Variants in LINC00305 observed in about 807,000 individuals in gnomAD.
LINC00305 encodes long independently transcribed non-coding RNA 305.
intron 1 of LINC00305, among the ~76,000 whole-genome samples, chr18:64,137,364 G>T (rs75260314): frequency 6.6e-6 from 1 of 152,160 alleles, no homozygotes; most frequent in Non-Finnish European, 1.5e-5. Flanking sequence ...ATTTTAAGCC[G>T]CCCAGTTTGT....
At position 64,102,300 on chromosome 18, in the gene LINC00305, G is replaced by A. The variant is rs140434344; in HGVS notation, n.315-3660C>T. ...CTAAGACATATAAACTGATACTCAA[G>A]GCCTAAAAAACAATAATAGAACTTA... On this transcript the variant is annotated intron_variant and non_coding_transcript_variant, in intron 1 of 3. Transcript: ENST00000666468. Among the ~76,000 whole-genome samples the A allele has an allele frequency of 3.5e-3, 530 of 151,980 alleles. 2 individuals carry two copies. Among genetic ancestry groups the A allele is most frequent in the African/African-American group, 0.012 (491 of 41,448 alleles).
At chr18:64,114,880 C>T (rs1311384584) in intron 1 of LINC00305, among the ~76,000 whole-genome samples, 9 of 152,084 alleles carry the variant, frequency 5.9e-5, no homozygotes, top group South Asian at 2.1e-4. Flanking sequence ...TGAGCTTGTG[C>T]GTAAAGATAG....
At chr18:64,082,763 C>A (rs1250876025) in intron 3 of LINC00305, among the ~76,000 whole-genome samples, 1 of 152,080 alleles carries the variant, frequency 6.6e-6, no homozygotes, top group Non-Finnish European at 1.5e-5. Flanking sequence ...AGTTTTAGAA[C>A]TTTCTGTTCT....
chr18:64,083,929 T>G (rs2051193930), intron 3 of LINC00305, among the ~76,000 whole-genome samples: 1 of 152,210 alleles, frequency 6.6e-6, no homozygotes, highest in African/African-American at 2.4e-5. Context: ...TGCACTTTGT[T>G]CCCCAGGGAG....
chr18:64,140,416 C>T (rs1178680127), intron 1 of LINC00305, among the ~76,000 whole-genome samples: 1 of 152,120 alleles, frequency 6.6e-6, no homozygotes, highest in African/African-American at 2.4e-5. Flanking sequence ...ACCATGTTGG[C>T]CAGGCTGGTC....
rs1296930514 is a variant in LINC00305 at position 64,141,005 on chromosome 18, C to T, written n.314+7770G>A. Reference sequence around the variant, plus strand: ...CCAGCAAGGCGATGGGAACCTCAGACCTAGCGCCGCAAGGAACCAAATTCT... The same window carrying T: ...CCAGCAAGGCGATGGGAACCTCAGATCTAGCGCCGCAAGGAACCAAATTCT... On this transcript the variant is annotated intron_variant and non_coding_transcript_variant, in intron 1 of 3. Transcript: ENST00000666468. 2.1e-5 allele frequency among the ~76,000 whole-genome samples: 3 copies of T among 145,038 alleles called. No individual in the cohort carries two copies. The Admixed American group carries it at 2.1e-4, about 10-fold the overall frequency.
At chr18:64,136,865 G>A (rs1162534638) in intron 1 of LINC00305, among the ~76,000 whole-genome samples, 1 of 151,386 alleles carries the variant, frequency 6.6e-6, no homozygotes, top group Non-Finnish European at 1.5e-5. Context: ...AGGGCACGCT[G>A]GACTGAAGGA....
intron 1 of LINC00305, chr18:64,104,374 G>A (rs2051280701): frequency 6.6e-6 from 1 of 152,214 alleles, no homozygotes; most frequent in Non-Finnish European, 1.5e-5. Context: ...TACAGAGGAA[G>A]GCAGACTTCA....
intron 1 of LINC00305, among the ~76,000 whole-genome samples, chr18:64,120,636 A>G (rs144608397): frequency 2.0e-5 from 3 of 152,230 alleles, no homozygotes; most frequent in Admixed American, 6.5e-5. Context: ...GTTATGTTCA[A>G]TGTAGGAAAG....
intron 3 of LINC00305, among the ~76,000 whole-genome samples, chr18:64,086,656 C>T (rs1025657965): frequency 6.6e-6 from 1 of 152,182 alleles, no homozygotes; most frequent in Non-Finnish European, 1.5e-5. Context: ...TAAATATTAT[C>T]ATTGCATGTC....
intron 1 of LINC00305, among the ~76,000 whole-genome samples, chr18:64,121,429 G>A (rs2051361680): frequency 1.3e-5 from 2 of 151,990 alleles, no homozygotes; most frequent in South Asian, 4.1e-4. Context: ...CCACTTATAA[G>A]TAAGAATATA....
chr18:64,132,906 A>T (rs906660435), intron 1 of LINC00305, among the ~76,000 whole-genome samples: 20 of 152,188 alleles, frequency 1.3e-4, no homozygotes, highest in Non-Finnish European at 2.6e-4. Flanking sequence ...CACAACCAGA[A>T]TAAAGTCAGG....
At chr18:64,140,499 G>T (rs1275820256) in intron 1 of LINC00305, among the ~76,000 whole-genome samples, 1 of 152,042 alleles carries the variant, frequency 6.6e-6, no homozygotes, top group Non-Finnish European at 1.5e-5. Context: ...GTGAGCCACC[G>T]CACCCAGCCT....
chr18:64,143,827 A>C (rs373071541), intron 1 of LINC00305, among the ~76,000 whole-genome samples: 3 of 151,112 alleles, frequency 2.0e-5, no homozygotes, highest in South Asian at 4.2e-4. Context: ...ATACACAGAG[A>C]TAATTCTTAT....
At chr18:64,136,712 A>C (rs1040270934) in intron 1 of LINC00305, among the ~76,000 whole-genome samples, 6 of 152,222 alleles carry the variant, frequency 3.9e-5, no homozygotes, top group Admixed American at 6.5e-5. Context: ...GGGCTGTCAG[A>C]AGAGACAATA....
At chr18:64,143,493 G>GTATA (rs35883570) in intron 1 of LINC00305, among the ~76,000 whole-genome samples, 42 of 139,640 alleles carry the variant, frequency 3.0e-4, no homozygotes, top group South Asian at 6.6e-4. Flanking sequence ...GTGTGTGTGT[G>GTATA]TATATATATA....
At chr18:64,102,617 A>G (rs2051271648) in intron 1 of LINC00305, among the ~76,000 whole-genome samples, 1 of 152,162 alleles carries the variant, frequency 6.6e-6, no homozygotes, top group Non-Finnish European at 1.5e-5. Flanking sequence ...GGTAACTTAT[A>G]AAGAAAGAGA....
intron 1 of LINC00305, among the ~76,000 whole-genome samples, chr18:64,131,934 C>T (rs1330262278): frequency 6.6e-6 from 1 of 152,144 alleles, no homozygotes; most frequent in African/African-American, 2.4e-5. Flanking sequence ...AAATTATCTT[C>T]CCCAAATTGA....
At chr18:64,140,596 T>C (rs2051457606) in intron 1 of LINC00305, among the ~76,000 whole-genome samples, 1 of 152,172 alleles carries the variant, frequency 6.6e-6, no homozygotes. Flanking sequence ...GAACGCTCCT[T>C]GAGGACAAGA....
Sources: allele counts gnomAD v4.1 joint callset (sites outside exome capture counted in the v4.1 genomes callset), GRCh38; gene constraint gnomAD v4.1.1; transcripts MANE v1.5; gene names NCBI Gene and HGNC (gene_info 2026-07-23, HGNC 2026-07-21).